MACROH2A2: variants seen among roughly 807,000 people sequenced by gnomAD.
The protein encoded by MACROH2A2 is macroH2A.2 histone.
Under a neutral mutation model 37.6 loss-of-function variants are expected in MACROH2A2, and 6 were observed. That is an observed-to-expected ratio of 0.16 (90% CI 0.09 to 0.32). The LOEUF (loss-of-function observed/expected upper bound fraction) is 0.32, where lower values mean the gene tolerates loss of function less well. Among genes scored for constraint, MACROH2A2 ranks in the 10% least tolerant of loss-of-function variants. The pLI, the probability that MACROH2A2 is intolerant of heterozygous loss-of-function variation, is 1.00. For synonymous variants in MACROH2A2, 192 were observed against 202.7 expected, an observed-to-expected ratio of 0.95 and a Z score of 0.45; for missense variants, 290 against 485.9, an observed-to-expected ratio of 0.60 and a Z score of 3.79.
chr10:70,070,781 C>T (rs1000639088), intron 1 of MACROH2A2, among the ~76,000 whole-genome samples: 1 of 152,208 alleles, frequency 6.6e-6, no homozygotes, highest in Non-Finnish European at 1.5e-5. Context: ...AGCCACCACG[C>T]TTGGCCTCTT....
In MACROH2A2 at chr10:70,053,587, A is replaced by G. The variant is rs1185509906; in HGVS notation, c.-60+587A>G. Among the ~76,000 whole-genome samples, 1 of 150,970 alleles carries G rather than the reference A, an allele frequency of 6.6e-6. No homozygotes were observed. Among genetic ancestry groups the G allele is most frequent in the East Asian group, 2.0e-4 (1 of 5,102 alleles). ...AGTCCGGGGGCGGGCCGCGCCGGGG[A>G]AGGTCAGGTCGGGGACGCCGGGTGG... is the stretch of plus-strand genomic sequence containing the variant. On this transcript the variant is annotated intron_variant, in intron 1 of 8. Coordinates refer to ENST00000373255, the MANE Select transcript of MACROH2A2 (RefSeq NM_018649.3). The surrounding 1 kb of genome is among the most constrained non-coding windows in gnomAD (Gnocchi z 4.8).
chr10:70,071,244 G>T (rs993891215), intron 1 of MACROH2A2, among the ~76,000 whole-genome samples: 3 of 152,146 alleles, frequency 2.0e-5, no homozygotes, highest in African/African-American at 7.2e-5. Context: ...TTTTCAGGTG[G>T]TTTCTTGACA....
Position 70,086,942 on chromosome 10 carries a change from A to G in MACROH2A2, c.173-3118A>G, listed in dbSNP as rs181266951. On this transcript the variant is annotated intron_variant, in intron 2 of 8. Transcript: ENST00000373255. Reference sequence around the variant, plus strand: ...CAGCGGCTCACGCCTGGAAATCCCAACACTTTGGGAAGCTGAGGTAGGAGG... The same window carrying G: ...CAGCGGCTCACGCCTGGAAATCCCAGCACTTTGGGAAGCTGAGGTAGGAGG... 1.3e-3 allele frequency among the ~76,000 whole-genome samples: 197 copies of G among 152,304 alleles called. 2 individuals carry two copies. Among genetic ancestry groups the G allele is most frequent in the African/African-American group, 4.5e-3 (187 of 41,586 alleles).
chr10:70,102,748 A>C (rs1377287467), intron 7 of MACROH2A2, among the ~76,000 whole-genome samples: 1 of 152,094 alleles, frequency 6.6e-6, no homozygotes, highest in African/African-American at 2.4e-5. Flanking sequence ...AAAAGAAAAA[A>C]GTAATGGGGG....
intron 2 of MACROH2A2, among the ~76,000 whole-genome samples, chr10:70,076,503 G>A (rs1422261486): frequency 3.3e-5 from 5 of 151,988 alleles, no homozygotes; most frequent in African/African-American, 4.8e-5. Flanking sequence ...TTTTGTTGTT[G>A]TTCTCTTATG....
intron 1 of MACROH2A2, among the ~76,000 whole-genome samples, chr10:70,071,770 C>G (rs911853904): frequency 1.3e-5 from 2 of 152,092 alleles, no homozygotes; most frequent in African/African-American, 4.8e-5. Context: ...TTTTGTGTCT[C>G]TAAACTTAGA....
At chr10:70,093,687 G>A in intron 4 of MACROH2A2, 48 bp from the exon 5 acceptor site, 1 of 1,032,866 alleles carries the variant, frequency 9.7e-7, no homozygotes, top group East Asian at 2.4e-5. Flanking sequence ...GGCACCTCAG[G>A]CTTTTTCTGG....
chr10:70,073,129 A>G (rs768876423), intron 1 of MACROH2A2, among the ~76,000 whole-genome samples: 2 of 152,096 alleles, frequency 1.3e-5, no homozygotes, highest in African/African-American at 2.4e-5. Context: ...GGCTCCTTCC[A>G]CTATAGCAAG....
intron 1 of MACROH2A2, among the ~76,000 whole-genome samples, chr10:70,060,016 A>C (rs2072041941): frequency 6.6e-6 from 1 of 152,202 alleles, no homozygotes; most frequent in Non-Finnish European, 1.5e-5. Context: ...AGAGCACAGA[A>C]CATAGAACTG....
intron 1 of MACROH2A2, among the ~76,000 whole-genome samples, chr10:70,073,795 T>C (rs942178670): frequency 6.6e-6 from 1 of 152,350 alleles, no homozygotes; most frequent in Admixed American, 6.5e-5. Flanking sequence ...ATCTATTTCA[T>C]ATTAACCAAG....
chr10:70,107,541 T>C lies in MACROH2A2; in HGVS notation c.779-1492T>C, dbSNP rs1037200419. On this transcript the variant is annotated intron_variant, in intron 7 of 8. Transcript: ENST00000373255. This position sits in a 1 kb window ranked among gnomAD's most constrained non-coding sequence, Gnocchi z 4.4. ...TGAAGCTGCAGCTGCCTCAGGCAGA[T>C]CCGAGGGAACTGCTCCCCTGGGGAG... Among the ~76,000 whole-genome samples, 3 of 152,164 alleles carry C rather than the reference T, an allele frequency of 2.0e-5. No individual in the cohort carries two copies. The highest frequency in any genetic ancestry group is 2.9e-5 in the Non-Finnish European group (2 of 68,020).
At chr10:70,105,047 G>A (rs1413940614) in intron 7 of MACROH2A2, among the ~76,000 whole-genome samples, 1 of 152,232 alleles carries the variant, frequency 6.6e-6, no homozygotes, top group African/African-American at 2.4e-5. Flanking sequence ...GCATGTTCAG[G>A]GAGGCAGAAG....
At chr10:70,098,733 G>A (rs1251189525) in intron 6 of MACROH2A2, 1 of 152,384 alleles carries the variant, frequency 6.6e-6, no homozygotes, top group Non-Finnish European at 1.5e-5. Flanking sequence ...GAGTGCTCGT[G>A]CCCGAGGAGG....
At chr10:70,081,314 A>AC (rs1051407261) in intron 2 of MACROH2A2, among the ~76,000 whole-genome samples, 1 of 151,550 alleles carries the variant, frequency 6.6e-6, no homozygotes, top group Non-Finnish European at 1.5e-5. Context: ...TTGAGTGAAG[A>AC]CCCCCTAGGT....
chr10:70,102,884 G>C (rs1392032018), intron 7 of MACROH2A2, among the ~76,000 whole-genome samples: 1 of 152,070 alleles, frequency 6.6e-6, no homozygotes, highest in African/African-American at 2.4e-5. Context: ...TATAAGATAA[G>C]CCTCCATGTA....
intron 2 of MACROH2A2, among the ~76,000 whole-genome samples, chr10:70,078,067 G>A (rs538520756): frequency 2.6e-5 from 4 of 152,194 alleles, no homozygotes; most frequent in East Asian, 3.8e-4. Context: ...CTGTGCCTCC[G>A]TTTGGCAAAA....
At chr10:70,103,214 T>C (rs1170897459) in intron 7 of MACROH2A2, among the ~76,000 whole-genome samples, 1 of 151,998 alleles carries the variant, frequency 6.6e-6, no homozygotes, top group Non-Finnish European at 1.5e-5. Flanking sequence ...ACATCCCCGA[T>C]ATAACCATGA....
At chr10:70,064,295 G>A (rs1017711090) in intron 1 of MACROH2A2, among the ~76,000 whole-genome samples, 39 of 152,234 alleles carry the variant, frequency 2.6e-4, no homozygotes, top group South Asian at 2.1e-3. Context: ...GTTTGAACCC[G>A]GGGGACAGAG....
intron 2 of MACROH2A2, among the ~76,000 whole-genome samples, chr10:70,080,614 G>C (rs114437306): frequency 0.019 from 2,921 of 152,052 alleles, 104 homozygotes; most frequent in African/African-American, 0.067. Flanking sequence ...GGGCACGGTG[G>C]CTCAAACCTG....
Sources: allele counts gnomAD v4.1 joint callset (sites outside exome capture counted in the v4.1 genomes callset), GRCh38; gene constraint gnomAD v4.1.1; non-coding constraint Gnocchi (gnomAD v3.1); transcripts MANE v1.5; gene names NCBI Gene and HGNC (gene_info 2026-07-23, HGNC 2026-07-21).